Variants in TNKS observed in about 807,000 individuals in gnomAD.
TNKS encodes the protein poly [ADP-ribose] polymerase tankyrase-1.
TNKS carries 72 observed loss-of-function variants against 135.8 expected under a neutral mutation model. The ratio of observed to expected loss-of-function variants is 0.53; its 90% CI spans 0.44 to 0.64. The LOEUF is 0.64. TNKS is among the 30% of genes least tolerant of loss of function. TNKS has a pLI of 0.00. For missense variants in TNKS, 1,769 were observed against 1,674.0 expected, an observed-to-expected ratio of 1.06 and a Z score of -0.99; for synonymous variants, 849 against 649.3, an observed-to-expected ratio of 1.31 and a Z score of -4.68.
chr8:9,713,957 T>G (rs1025947724), intron 11 of TNKS, among the ~76,000 whole-genome samples: 11 of 152,340 alleles, frequency 7.2e-5, no homozygotes, highest in Admixed American at 7.2e-4. Context: ...CAGCACCAGT[T>G]TTTAATTAGG....
rs1417142226 is a variant in TNKS, at chr8:9,778,315, A to G, written c.*1579A>G. ...AAAGACAGTGTGACACAAACTTGCC[A>G]TTGCAATTCAAAGCCCTGAAAACGA... On this transcript the variant is annotated 3_prime_UTR_variant, in exon 27 of 27. Coordinates refer to ENST00000310430, the MANE Select transcript of TNKS (RefSeq NM_003747.3). 1.3e-5 allele frequency: 2 copies of G among 152,342 alleles called. No homozygotes were observed. The highest frequency in any genetic ancestry group is 2.1e-4 in the South Asian group (1 of 4,836). The allele number at this position is 152,342 out of a possible 1,614,324, so 9.4% of individuals were successfully genotyped here. A position where few individuals can be genotyped will look rare whatever the true frequency, so the allele number is the denominator to read the frequency against.
chr8:9,756,708 A>G (rs6992418), intron 20 of TNKS, among the ~76,000 whole-genome samples: 5,273 of 152,272 alleles, frequency 0.035, 312 homozygotes, highest in African/African-American at 0.12. Context: ...TTACCCAGCT[A>G]CAGAATTTTG....
intron 3 of TNKS, among the ~76,000 whole-genome samples, chr8:9,667,576 G>A (rs1167693413): frequency 6.6e-6 from 1 of 152,172 alleles, no homozygotes; most frequent in African/African-American, 2.4e-5. Context: ...GAACTGTCTT[G>A]TCTTTGTTGT....
At chr8:9,708,300 TTTATAA>T (rs1458769678) in intron 8 of TNKS, 65 bp from the exon 9 acceptor site, 163 of 1,285,754 alleles carry the variant, frequency 1.3e-4, no homozygotes, top group Admixed American at 7.3e-4. Context: ...TTCCTACTTA[TTTATAA>T]TCATGCTGAA....
Position 9,654,887 on chromosome 8 carries a change from C to T in TNKS, c.995-25064C>T, listed in dbSNP as rs533743438. Among the ~76,000 whole-genome samples, 24 of 152,138 alleles carry T rather than the reference C, an allele frequency of 1.6e-4. 1 individual carries two copies. The highest frequency in any genetic ancestry group is 3.9e-4 in the African/African-American group (16 of 41,462). Reference sequence around the variant, plus strand: ...CCGGATTCATCTCACTGGGGAGTGCCGGACAGTGGGTGCAGGACAGTGGGT... The same window carrying T: ...CCGGATTCATCTCACTGGGGAGTGCTGGACAGTGGGTGCAGGACAGTGGGT... On this transcript the variant is annotated intron_variant, in intron 3 of 26. Coordinates refer to ENST00000310430, the MANE Select transcript of TNKS (RefSeq NM_003747.3).
intron 17 of TNKS, 125 bp downstream of exon 17, chr8:9,735,611 T>A (rs4841209): frequency 0.73 from 517,331 of 706,866 alleles, 190,794 homozygotes; most frequent in Admixed American, 0.83. Context: ...CAATCCTGGC[T>A]AACACGGTGA....
chr8:9,691,653 T>A (rs1803277370), intron 5 of TNKS, among the ~76,000 whole-genome samples: 1 of 152,228 alleles, frequency 6.6e-6, no homozygotes, highest in South Asian at 2.1e-4. Flanking sequence ...GAAGTAATAG[T>A]GTTTCTAGCT....
chr8:9,720,284 A>ATT (rs72301704), intron 11 of TNKS, 90 bp from the exon 12 acceptor site: 2,741 of 1,146,352 alleles, frequency 2.4e-3, no homozygotes, highest in South Asian at 3.3e-3. Context: ...TTGAAAGTTG[A>ATT]TTTTTTTTTC....
chr8:9,583,012 A>C (rs1798226319), intron 2 of TNKS, among the ~76,000 whole-genome samples: 1 of 151,884 alleles, frequency 6.6e-6, no homozygotes, highest in South Asian at 2.1e-4. Context: ...TAAAAATACA[A>C]AAAAATTAGC....
At chr8:9,705,404 A>G (rs1399872667) in intron 6 of TNKS, among the ~76,000 whole-genome samples, 1 of 152,224 alleles carries the variant, frequency 6.6e-6, no homozygotes, top group Non-Finnish European at 1.5e-5. Context: ...AATTAACCCT[A>G]CTACCCAGGT....
At chr8:9,700,860 A>T (rs906661423) in intron 5 of TNKS, among the ~76,000 whole-genome samples, 15 of 152,272 alleles carry the variant, frequency 9.9e-5, no homozygotes, top group Non-Finnish European at 1.9e-4. Context: ...TACTGTTTTC[A>T]AAGCATTGTA....
intron 3 of TNKS, among the ~76,000 whole-genome samples, chr8:9,655,692 A>C (rs1370052566): frequency 6.6e-6 from 1 of 152,244 alleles, no homozygotes; most frequent in African/African-American, 2.4e-5. Context: ...CCTGACTGTT[A>C]GAAGGAAAAC....
At chr8:9,689,153 C>T (rs13282006) in intron 5 of TNKS, among the ~76,000 whole-genome samples, 92,108 of 151,866 alleles carry the variant, frequency 0.61, 28,297 homozygotes, top group Non-Finnish European at 0.66. Flanking sequence ...GCCTTTTTTT[C>T]CTTTTATTAA....
At chr8:9,654,619 A>G (rs1017021835) in intron 3 of TNKS, among the ~76,000 whole-genome samples, 4 of 152,218 alleles carry the variant, frequency 2.6e-5, no homozygotes, top group African/African-American at 2.4e-5. Flanking sequence ...AAGAAAGTCT[A>G]TGTCAGGTAA....
intron 5 of TNKS, among the ~76,000 whole-genome samples, chr8:9,689,253 T>TA (rs1803151251): frequency 6.6e-6 from 1 of 152,242 alleles, no homozygotes; most frequent in Non-Finnish European, 1.5e-5. Context: ...AGGATTGTGT[T>TA]ATGAAAACAA....
At chr8:9,600,887 T>A (rs1798990861) in intron 2 of TNKS, among the ~76,000 whole-genome samples, 1 of 152,232 alleles carries the variant, frequency 6.6e-6, no homozygotes, top group South Asian at 2.1e-4. Context: ...TCAGCATTAT[T>A]ACAGAATCTA....
At position 9,697,463 on chromosome 8, in the gene TNKS, A is replaced by G. The variant is rs532036397; in HGVS notation, c.1108-7200A>G. On this transcript the variant is annotated intron_variant, in intron 5 of 26. Coordinates refer to ENST00000310430, the MANE Select transcript of TNKS (RefSeq NM_003747.3). Reference sequence around the variant, plus strand: ...AAAACTGACAAGTGGGACCTAATTAAAGAGCTTCTGCACAGCAAAAGAAAC... The same window carrying G: ...AAAACTGACAAGTGGGACCTAATTAGAGAGCTTCTGCACAGCAAAAGAAAC... Among the ~76,000 whole-genome samples the G allele has an allele frequency of 2.0e-3, 311 of 152,292 alleles. 1 individual carries two copies. Among genetic ancestry groups the G allele is most frequent in the African/African-American group, 6.9e-3 (287 of 41,572 alleles).
intron 2 of TNKS, among the ~76,000 whole-genome samples, chr8:9,612,159 C>G (rs1799486941): frequency 6.6e-6 from 1 of 152,112 alleles, no homozygotes; most frequent in Admixed American, 6.5e-5. Flanking sequence ...CTTGTGTGCC[C>G]TGGCTCAGTG....
At chr8:9,725,886 G>T (rs956347846) in intron 12 of TNKS, among the ~76,000 whole-genome samples, 3 of 152,066 alleles carry the variant, frequency 2.0e-5, no homozygotes, top group African/African-American at 7.3e-5. Context: ...TAACTCATTT[G>T]TTAGCCTCTA....
Sources: gnomAD v4.1 joint callset for allele counts (sites outside exome capture counted in the v4.1 genomes callset) on GRCh38, gnomAD v4.1.1 for gene constraint, MANE v1.5 for transcripts, NCBI Gene and HGNC (gene_info 2026-07-23, HGNC 2026-07-21) for gene names.